FADS2: variants seen among roughly 807,000 people sequenced by gnomAD.
FADS2 encodes the protein fatty acid desaturase 2, also known as acyl-CoA 6-desaturase.
In FADS2, 18 loss-of-function variants were observed where a neutral mutation model predicts 61.2. The ratio of observed to expected loss-of-function variants is 0.29; its 90% CI spans 0.20 to 0.44. FADS2 has a LOEUF of 0.44. Ranked by LOEUF, FADS2 falls within the 20% of genes least tolerant of loss-of-function variation. The probability of loss-of-function intolerance (pLI) is 1.00; values close to 1 mark genes in which losing one functional copy is unlikely to be tolerated. For synonymous variants in FADS2, 203 were observed against 223.9 expected, an observed-to-expected ratio of 0.91 and a Z score of 0.83; for missense variants, 322 against 572.7, an observed-to-expected ratio of 0.56 and a Z score of 4.47.
chr11:61,824,437 AGGGAGGGAGGGAGGGAGGGAG>A (rs1313380946), upstream of FADS2, among the ~76,000 whole-genome samples: 19 of 4,548 alleles, frequency 4.2e-3, no homozygotes, highest in African/African-American at 8.4e-3. Flanking sequence ...AGAGAGAGGG[AGGGAGGGAGGGAGGGAGGGAG>A]GGAGAGAGAG....
intron 7 of FADS2, chr11:61,862,521 GACC>G: frequency 5.5e-6 from 1 of 182,824 alleles, no homozygotes; most frequent in Admixed American, 5.7e-5. Context: ...TGGTACCTCT[GACC>G]TTCCCTACCC....
At chr11:61,833,526 G>A (rs1333462931) in intron 1 of FADS2, among the ~76,000 whole-genome samples, 1 of 152,270 alleles carries the variant, frequency 6.6e-6, no homozygotes, top group Non-Finnish European at 1.5e-5. Flanking sequence ...GTAGCCACAT[G>A]TGACTCAAAC....
chr11:61,845,456 G>A (rs2086139979), intron 4 of FADS2, among the ~76,000 whole-genome samples: 1 of 152,216 alleles, frequency 6.6e-6, no homozygotes, highest in Admixed American at 6.5e-5. Context: ...TGCCCGGAAG[G>A]AGGGGCTCTT....
upstream of FADS2, among the ~76,000 whole-genome samples, chr11:61,825,289 T>C (rs1165205729): frequency 4.6e-5 from 7 of 152,124 alleles, no homozygotes; most frequent in Admixed American, 1.3e-4. Context: ...CCTGCCCCTG[T>C]ACCTCCAACT....
rs763170115 is a variant in FADS2 at position 61,863,125 on chromosome 11, T to G, written c.980+56T>G. On this transcript the variant is annotated intron_variant, in intron 8 of 11. Coordinates refer to ENST00000278840, the MANE Select transcript of FADS2 (RefSeq NM_004265.4). The stretch of plus-strand genomic sequence containing the variant: ...CCCTCCACTGGCACTGATGATGGCT[T>G]TGGCATGAGAAGAGGCTCGGACGGC... 3.2e-6 allele frequency: 5 copies of G among 1,539,898 alleles called. No homozygotes were observed. In the Admixed American group the frequency reaches 8.3e-5, roughly 26 times the overall value.
chr11:61,843,141 A>G (rs1466615648), intron 4 of FADS2, among the ~76,000 whole-genome samples: 2 of 152,248 alleles, frequency 1.3e-5, no homozygotes, highest in Non-Finnish European at 2.9e-5. Context: ...GATGAAATGC[A>G]AACTTCAGCC....
intron 4 of FADS2, among the ~76,000 whole-genome samples, chr11:61,843,902 C>T (rs982042301): frequency 6.6e-6 from 1 of 152,038 alleles, no homozygotes. Flanking sequence ...CTAAGGTGAT[C>T]CACCTGCCTT....
At chr11:61,856,931 T>G in intron 5 of FADS2, 80 bp from the exon 6 acceptor site, 1 of 1,095,204 alleles carries the variant, frequency 9.1e-7, no homozygotes, top group Non-Finnish European at 1.4e-6. Context: ...GAAGGGATGG[T>G]GGCTGCAGGA....
chr11:61,853,290 C>CCTTCCTTCCTTCCTT (rs2067325768), intron 5 of FADS2, among the ~76,000 whole-genome samples: 4 of 81,692 alleles, frequency 4.9e-5, no homozygotes, highest in African/African-American at 1.2e-4. Flanking sequence ...CTCCCTCCCT[C>CCTTCCTTCCTTCCTT]CCTTCCTTCC....
intron 4 of FADS2, chr11:61,846,608 C>T (rs1212966446): frequency 6.6e-6 from 1 of 151,958 alleles, no homozygotes; most frequent in Non-Finnish European, 1.5e-5. Flanking sequence ...TTTGCAAACC[C>T]TTAGCCAAAG....
At chr11:61,832,942 C>A (rs1055814215) in intron 1 of FADS2, among the ~76,000 whole-genome samples, 2 of 152,184 alleles carry the variant, frequency 1.3e-5, no homozygotes, top group Admixed American at 1.3e-4. Flanking sequence ...GACATGGGCA[C>A]GGCCATAAAC....
intron 7 of FADS2, among the ~76,000 whole-genome samples, chr11:61,861,443 T>C (rs174614): frequency 0.5 from 74,123 of 148,042 alleles, 19,189 homozygotes; most frequent in Admixed American, 0.62. Flanking sequence ...GATCACACCA[T>C]TGCACTCCAG....
chr11:61,824,394 A>AAG (rs1193068439), upstream of FADS2, among the ~76,000 whole-genome samples: 26 of 17,386 alleles, frequency 1.5e-3, 1 homozygote, highest in African/African-American at 5.3e-3. Flanking sequence ...GGGAAAAAAA[A>AAG]AGAGAGAGAG....
chr11:61,839,430 C>T (rs2135961011), intron 2 of FADS2, among the ~76,000 whole-genome samples: 1 of 151,780 alleles, frequency 6.6e-6, no homozygotes, highest in East Asian at 1.9e-4. Flanking sequence ...TCAAGCAGTT[C>T]TCCTGCCTCA....
chr11:61,853,000 A>G (rs2067320557), intron 5 of FADS2, among the ~76,000 whole-genome samples: 1 of 152,098 alleles, frequency 6.6e-6, no homozygotes, highest in Non-Finnish European at 1.5e-5. Flanking sequence ...CTAAAAATAC[A>G]AAAAATTAGC....
At chr11:61,851,484 C>T (rs1591176021) in intron 5 of FADS2, among the ~76,000 whole-genome samples, 1 of 152,252 alleles carries the variant, frequency 6.6e-6, no homozygotes, top group Non-Finnish European at 1.5e-5. Context: ...CCCGCTCTCA[C>T]ACTCATGGGG....
intron 4 of FADS2, among the ~76,000 whole-genome samples, chr11:61,844,441 C>G (rs117702910): frequency 0.037 from 5,679 of 151,988 alleles, 168 homozygotes; most frequent in Middle Eastern, 0.058. Context: ...CGAGGGTGCT[C>G]GGGAGGCTAA....
chr11:61,856,985 G>T, intron 5 of FADS2, 26 bp from the exon 6 acceptor site: 1 of 1,603,120 alleles, frequency 6.2e-7, no homozygotes. Context: ...GCTACTGGGT[G>T]CTCATGATCT....
intron 5 of FADS2, 144 bp downstream of exon 5, chr11:61,848,428 T>C: frequency 7.0e-7 from 1 of 1,420,996 alleles, no homozygotes; most frequent in Non-Finnish European, 9.8e-7. Flanking sequence ...GACTAAGGGG[T>C]TGGTGTTGAC....
Sources: allele counts gnomAD v4.1 joint callset (sites outside exome capture counted in the v4.1 genomes callset), GRCh38; gene constraint gnomAD v4.1.1; transcripts MANE v1.5; gene names NCBI Gene and HGNC (gene_info 2026-07-23, HGNC 2026-07-21).